Variants in GPC5 observed in about 807,000 individuals in gnomAD.
The protein encoded by GPC5 is glypican-5.
A neutral mutation model predicts 53.9 loss-of-function variants in GPC5; 47 were observed. The ratio of observed to expected loss-of-function variants is 0.87; its 90% CI spans 0.69 to 1.11. The LOEUF (loss-of-function observed/expected upper bound fraction) is 1.11. Among genes scored for constraint, GPC5 ranks in the 50% most tolerant of loss-of-function variants. GPC5 has a pLI of 0.00. For missense variants in GPC5, 748 were observed against 713.1 expected, an observed-to-expected ratio of 1.05 and a Z score of -0.56; for synonymous variants, 286 against 263.3, an observed-to-expected ratio of 1.09 and a Z score of -0.84.
intron 7 of GPC5, among the ~76,000 whole-genome samples, chr13:92,463,304 T>C (rs1878566542): frequency 6.6e-6 from 1 of 152,216 alleles, no homozygotes; most frequent in Non-Finnish European, 1.5e-5. Context: ...GATGCCAACC[T>C]GCTGCCGAGA....
chr13:92,133,870 C>T lies in GPC5; in HGVS notation c.1402-10960C>T, dbSNP rs536777350. 7.2e-5 allele frequency among the ~76,000 whole-genome samples: 11 copies of T among 152,094 alleles called. No homozygotes were observed. In the South Asian group the frequency reaches 1.5e-3, roughly 20 times the overall value. Reference sequence around the variant, plus strand: ...TAGAAAATACATGTTTTTTTCTGTCCGTGGAGATAACTGAGATTAGTTAGT... The same window carrying T: ...TAGAAAATACATGTTTTTTTCTGTCTGTGGAGATAACTGAGATTAGTTAGT... On this transcript the variant is annotated intron_variant, in intron 6 of 7. Coordinates refer to ENST00000377067, the MANE Select transcript of GPC5 (RefSeq NM_004466.6).
At chr13:92,334,716 A>C (rs1321697411) in intron 7 of GPC5, among the ~76,000 whole-genome samples, 1 of 152,136 alleles carries the variant, frequency 6.6e-6, no homozygotes, top group Non-Finnish European at 1.5e-5. Flanking sequence ...ACCCATTCTA[A>C]ATGGGAGAAA....
In GPC5 at chr13:92,573,036, A is replaced by G. The variant is rs190111794; in HGVS notation, c.1562-293246A>G. On this transcript the variant is annotated intron_variant, in intron 7 of 7. Coordinates refer to ENST00000377067, the MANE Select transcript of GPC5 (RefSeq NM_004466.6). ...TGATGCGATCAATTTAACTTTACCA[A>G]TAATTGTTCTCTGGACCAATGCTTA... 3.3e-5 allele frequency among the ~76,000 whole-genome samples: 5 copies of G among 152,362 alleles called. No individual in the cohort carries two copies. The East Asian group carries it at 7.7e-4, about 24-fold the overall frequency.
At chr13:92,031,545 A>G (rs1292077734) in intron 6 of GPC5, among the ~76,000 whole-genome samples, 1 of 150,042 alleles carries the variant, frequency 6.7e-6, no homozygotes, top group Non-Finnish European at 1.5e-5. Flanking sequence ...ACCAACATCT[A>G]TTCTTTCTTT....
chr13:92,254,269 G>A (rs1298010977), intron 7 of GPC5, among the ~76,000 whole-genome samples: 2 of 152,124 alleles, frequency 1.3e-5, no homozygotes, highest in Non-Finnish European at 2.9e-5. Flanking sequence ...GTAAGTGCTG[G>A]TGGCACTGAC....
At chr13:91,490,376 A>G (rs1473394222) in intron 2 of GPC5, among the ~76,000 whole-genome samples, 1 of 152,158 alleles carries the variant, frequency 6.6e-6, no homozygotes. Flanking sequence ...TTAGGTTTTT[A>G]GAGGAAAGGT....
intron 7 of GPC5, among the ~76,000 whole-genome samples, chr13:92,487,714 A>G (rs983666264): frequency 1.5e-4 from 23 of 152,266 alleles, no homozygotes; most frequent in African/African-American, 5.1e-4. Flanking sequence ...AAATGGAAGT[A>G]AATTTTAAGT....
intron 5 of GPC5, among the ~76,000 whole-genome samples, chr13:91,845,322 T>G (rs914102716): frequency 6.6e-6 from 1 of 152,170 alleles, no homozygotes; most frequent in African/African-American, 2.4e-5. Flanking sequence ...AATCGTTTAG[T>G]CTTTTTTCAG....
At chr13:92,630,633 T>C (rs1265679393) in intron 7 of GPC5, among the ~76,000 whole-genome samples, 1 of 152,182 alleles carries the variant, frequency 6.6e-6, no homozygotes, top group East Asian at 1.9e-4. Context: ...ATGGCACGTG[T>C]ATACCTATGT....
intron 4 of GPC5, among the ~76,000 whole-genome samples, chr13:91,755,457 T>TTATG (rs2037269252): frequency 6.6e-6 from 1 of 152,084 alleles, no homozygotes; most frequent in East Asian, 1.9e-4. Context: ...AAACAATTGT[T>TTATG]TATGTCAAAA....
chr13:91,812,060 C>G (rs1364957267), intron 5 of GPC5, among the ~76,000 whole-genome samples: 1 of 152,042 alleles, frequency 6.6e-6, no homozygotes, highest in East Asian at 1.9e-4. Flanking sequence ...CTGAAATATA[C>G]TAGACTGACT....
intron 1 of GPC5, among the ~76,000 whole-genome samples, chr13:91,428,098 AACACAATGT>A (rs1320938101): frequency 6.6e-6 from 1 of 152,188 alleles, no homozygotes; most frequent in African/African-American, 2.4e-5. Flanking sequence ...AAAATGGACT[AACACAATGT>A]GTTTATTTGC....
intron 7 of GPC5, among the ~76,000 whole-genome samples, chr13:92,414,780 G>A (rs1876208813): frequency 6.6e-6 from 1 of 152,118 alleles, no homozygotes; most frequent in Non-Finnish European, 1.5e-5. Context: ...TGTCTAGTGA[G>A]GGCCCACTTT....
rs1168995419 is a variant in GPC5, at chr13:92,494,835, CAT to C, written c.1561+349847_1561+349848del. The stretch of plus-strand genomic sequence containing the variant: ...AGGATTTAATCTTCCTCTTTTCCTA[CAT>C]GTTTTATGTCCTTTCTTTCTTCCTA... On this transcript the variant is annotated intron_variant, in intron 7 of 7. Coordinates refer to ENST00000377067, the MANE Select transcript of GPC5 (RefSeq NM_004466.6). 2.0e-5 allele frequency among the ~76,000 whole-genome samples: 3 copies of C among 152,302 alleles called. No homozygotes were observed. The East Asian group carries it at 5.8e-4, about 29-fold the overall frequency.
chr13:91,728,662 G>T lies in GPC5; in HGVS notation c.1151G>T (p.Arg384Ile), dbSNP rs1384334439. ...RNSEETLANR[R>I]KEFINSLRLY... ...AGTGAAGAGACGCTTGCCAACAGAA[G>T]AAAGTAAGACATTTGTTTTACAACC... Residue 384 changes from arginine (R) to isoleucine (I), a missense_variant, in exon 4 of 8, where the codon AGA (arginine) becomes ATA (isoleucine). By Grantham distance (97) the Arg-to-Ile change is moderately conservative. Coordinates refer to ENST00000377067, the MANE Select transcript of GPC5 (RefSeq NM_004466.6). The T allele has an allele frequency of 1.4e-5, 23 of 1,606,582 alleles. No homozygotes were observed. The highest frequency in any genetic ancestry group is 1.8e-5 in the Non-Finnish European group (21 of 1,176,374).
intron 7 of GPC5, among the ~76,000 whole-genome samples, chr13:92,594,820 C>T (rs995128209): frequency 1.3e-5 from 2 of 152,174 alleles, no homozygotes; most frequent in South Asian, 2.1e-4. Context: ...CACAAGAGGC[C>T]CTTAACATGC....
intron 7 of GPC5, among the ~76,000 whole-genome samples, chr13:92,454,945 A>G (rs746275990): frequency 1.3e-5 from 2 of 152,232 alleles, no homozygotes; most frequent in Non-Finnish European, 2.9e-5. Flanking sequence ...AGGCTATTAT[A>G]ATCATAGCTC....
At chr13:91,789,219 GA>G (rs113354950) in intron 5 of GPC5, among the ~76,000 whole-genome samples, 45,497 of 141,404 alleles carry the variant, frequency 0.32, 8,234 homozygotes, top group African/African-American at 0.51. Context: ...TCTCAAAAAA[GA>G]AAAAAAAAAA....
At chr13:92,067,938 G>A (rs911633988) in intron 6 of GPC5, among the ~76,000 whole-genome samples, 1 of 151,846 alleles carries the variant, frequency 6.6e-6, no homozygotes, top group African/African-American at 2.4e-5. Flanking sequence ...CTTTTTACAT[G>A]TCTGTTTTGA....
Sources: allele counts gnomAD v4.1 joint callset (sites outside exome capture counted in the v4.1 genomes callset), GRCh38; gene constraint gnomAD v4.1.1; transcripts MANE v1.5; gene names NCBI Gene and HGNC (gene_info 2026-07-23, HGNC 2026-07-21).